Variants in CACNA1C observed in about 807,000 individuals in gnomAD.
CACNA1C encodes calcium voltage-gated channel subunit alpha1 C.
A neutral mutation model predicts 229.0 loss-of-function variants in CACNA1C; 30 were observed. The ratio of observed to expected loss-of-function variants is 0.13; its 90% CI spans 0.10 to 0.18. The LOEUF is 0.18. Ranked by LOEUF, CACNA1C falls within the 10% of genes least tolerant of loss-of-function variation. CACNA1C has a pLI of 1.00. For synonymous variants in CACNA1C, 1,114 were observed against 1,132.5 expected (o/e 0.98, Z 0.33); for missense variants, 1,658 against 2,845.0 (o/e 0.58, Z 9.49).
At position 2,056,200 on chromosome 12, in the gene CACNA1C, T is replaced by A. The variant is rs7963437; in HGVS notation, c.49+2589T>A. Among the ~76,000 whole-genome samples the A allele has an allele frequency of 5.1e-4, 6 of 11,880 alleles. No individual in the cohort carries two copies. The South Asian group carries it at 6.1e-3, about 12-fold the overall frequency. The allele number at this position is 11,880 out of a possible 152,430, so 7.8% of individuals were successfully genotyped here. A position where few individuals can be genotyped will look rare whatever the true frequency, so the allele number is the denominator to read the frequency against. ...GTGCATGTGTGAGTGTGTGTGAGTG[T>A]GTGTGTGTGTGTGTGTGTGTGTGTG... On this transcript the variant is annotated intron_variant, in intron 1 of 46. Transcript: ENST00000399655.
intron 3 of CACNA1C, among the ~76,000 whole-genome samples, chr12:2,173,787 G>T (rs1245092117): frequency 1.3e-5 from 2 of 152,020 alleles, no homozygotes; most frequent in African/African-American, 4.8e-5. Flanking sequence ...GTAAAACGGG[G>T]CTAACTATAG....
chr12:2,454,935 G>A (rs1165512570), intron 4 of CACNA1C, among the ~76,000 whole-genome samples: 1 of 152,120 alleles, frequency 6.6e-6, no homozygotes, highest in Non-Finnish European at 1.5e-5. Context: ...ACTGAACCAC[G>A]ACCCACGGCG....
intron 3 of CACNA1C, among the ~76,000 whole-genome samples, chr12:2,163,619 A>C (rs2096036178): frequency 1.3e-5 from 2 of 152,234 alleles, no homozygotes; most frequent in South Asian, 4.1e-4. Context: ...AATGGGATCC[A>C]GAAGCGTCTT....
rs564531094 is a variant in CACNA1C, at chr12:2,595,018, T to C, written c.2664-856T>C. Reference sequence around the variant, plus strand: ...GCTCAGTGGAGGTTGGTGGGAGGGGTTGTTGGTTTGAAGCAGATGATTCTT... The same window carrying C: ...GCTCAGTGGAGGTTGGTGGGAGGGGCTGTTGGTTTGAAGCAGATGATTCTT... On this transcript the variant is annotated intron_variant, in intron 19 of 46. Coordinates refer to ENST00000399655, the MANE Select transcript of CACNA1C (RefSeq NM_000719.7). The surrounding 1 kb of genome is among the most constrained non-coding windows in gnomAD (Gnocchi z 4.1). 7.6e-4 allele frequency among the ~76,000 whole-genome samples: 115 copies of C among 152,070 alleles called. 2 individuals are homozygous for C. In the East Asian group the frequency reaches 0.015, roughly 20 times the overall value.
At chr12:2,056,806 T>C (rs950413725) in intron 1 of CACNA1C, among the ~76,000 whole-genome samples, 3 of 152,306 alleles carry the variant, frequency 2.0e-5, no homozygotes, top group South Asian at 2.1e-4. Context: ...TTTAGTGTTT[T>C]AGAATATGAC....
At chr12:2,068,787 C>A (rs2154522413) in intron 1 of CACNA1C, among the ~76,000 whole-genome samples, 1 of 152,312 alleles carries the variant, frequency 6.6e-6, no homozygotes, top group East Asian at 1.9e-4. Flanking sequence ...CAGAGTTTGG[C>A]CTTATTCTGA....
intron 3 of CACNA1C, among the ~76,000 whole-genome samples, chr12:2,136,196 G>A (rs2093462729): frequency 6.6e-6 from 1 of 151,336 alleles, no homozygotes; most frequent in Non-Finnish European, 1.5e-5. Context: ...CCCACTGTCT[G>A]GCACTCCCTA....
At chr12:2,494,345 C>T (rs2099742459) in intron 7 of CACNA1C, among the ~76,000 whole-genome samples, 1 of 152,222 alleles carries the variant, frequency 6.6e-6, no homozygotes, top group Non-Finnish European at 1.5e-5. Context: ...TGGCAAAGTC[C>T]ATTATTAGGA....
chr12:2,112,142 G>A (rs867707686), intron 1 of CACNA1C, among the ~76,000 whole-genome samples: 21 of 152,114 alleles, frequency 1.4e-4, no homozygotes, highest in African/African-American at 4.8e-5. Flanking sequence ...ACCCTCCGTC[G>A]CCCCATTCTG....
At chr12:2,517,583 G>A (rs2099799891) in intron 9 of CACNA1C, among the ~76,000 whole-genome samples, 1 of 152,230 alleles carries the variant, frequency 6.6e-6, no homozygotes, top group Admixed American at 6.5e-5. Flanking sequence ...GCAGCCAAGA[G>A]CCAAGCCCCT....
At chr12:2,169,915 C>T (rs1410956093) in intron 3 of CACNA1C, among the ~76,000 whole-genome samples, 1 of 152,124 alleles carries the variant, frequency 6.6e-6, no homozygotes, top group Non-Finnish European at 1.5e-5. Context: ...TTCTGGTGCT[C>T]CATCTGGGGA....
At chr12:2,471,297 T>G (rs1235125293) in intron 5 of CACNA1C, among the ~76,000 whole-genome samples, 2 of 152,248 alleles carry the variant, frequency 1.3e-5, no homozygotes, top group Non-Finnish European at 2.9e-5. Flanking sequence ...ACACATACTT[T>G]ATAAGTTCCA....
chr12:2,044,403 G>A (rs979955833), intron 1 of CACNA1C, among the ~76,000 whole-genome samples: 1 of 152,124 alleles, frequency 6.6e-6, no homozygotes, highest in Non-Finnish European at 1.5e-5. Flanking sequence ...GGTTGCCCTC[G>A]TGACTTTGCC....
Position 2,099,543 on chromosome 12 carries a change from G to A in CACNA1C, c.50-15681G>A, listed in dbSNP as rs1163460633. On this transcript the variant is annotated intron_variant, in intron 1 of 46. Coordinates refer to ENST00000399655, the MANE Select transcript of CACNA1C (RefSeq NM_000719.7). ...CTTCCAGAGGCAGGAATCTGGCACT[G>A]GGGTGGCCACAGTCATATTGGAAGT... Among the ~76,000 whole-genome samples, 5 of 152,154 alleles carry A rather than the reference G, an allele frequency of 3.3e-5. No homozygotes were observed. In the East Asian group the frequency reaches 7.8e-4, roughly 24 times the overall value.
chr12:2,043,688 G>A (rs1363767150), intron 1 of CACNA1C, among the ~76,000 whole-genome samples: 31 of 120,508 alleles, frequency 2.6e-4, no homozygotes, highest in African/African-American at 8.1e-4. Flanking sequence ...TCGCTCTGTC[G>A]CCCAGGCCGG....
chr12:1,982,315 T>A (rs1315417543), intron 1 of CACNA1C, among the ~76,000 whole-genome samples: 5 of 152,102 alleles, frequency 3.3e-5, no homozygotes, highest in Non-Finnish European at 7.4e-5. Context: ...CCGCTATCCA[T>A]CTCCAGAACT....
At chr12:2,588,917 G>C (rs1264432693) in intron 18 of CACNA1C, among the ~76,000 whole-genome samples, 1 of 152,190 alleles carries the variant, frequency 6.6e-6, no homozygotes, top group African/African-American at 2.4e-5. Flanking sequence ...CACCGCCTGT[G>C]CTGGGGGAGG....
At chr12:2,018,102 A>C (rs566729791) in intron 1 of CACNA1C, 1 of 152,244 alleles carries the variant, frequency 6.6e-6, no homozygotes, top group African/African-American at 2.4e-5. Flanking sequence ...TCAAGCCCGG[A>C]TATGTCACAT....
intron 24 of CACNA1C, among the ~76,000 whole-genome samples, chr12:2,606,133 C>T (rs543026910): frequency 4.4e-4 from 67 of 152,330 alleles, no homozygotes; most frequent in Non-Finnish European, 6.9e-4. Flanking sequence ...AACAGCATCA[C>T]GTCCCCACTG....
Sources: allele counts gnomAD v4.1 joint callset (sites outside exome capture counted in the v4.1 genomes callset), GRCh38; gene constraint gnomAD v4.1.1; non-coding constraint Gnocchi (gnomAD v3.1); transcripts MANE v1.5; gene names NCBI Gene and HGNC (gene_info 2026-07-23, HGNC 2026-07-21).